Variants in PAX2 observed in about 807,000 individuals in gnomAD.
The protein encoded by PAX2 is paired box 2.
In PAX2, 9 loss-of-function variants were observed where a neutral mutation model predicts 41.7. The observed-to-expected ratio is 0.22, with a 90% CI of 0.13 to 0.38. The LOEUF (loss-of-function observed/expected upper bound fraction) is 0.38. Ranked by LOEUF, PAX2 falls within the 10% of genes least tolerant of loss-of-function variation. PAX2 has a pLI of 1.00. For synonymous variants in PAX2, 221 were observed against 212.7 expected (o/e 1.04, Z -0.34); for missense variants, 418 against 531.6 (o/e 0.79, Z 2.10).
Position 100,828,213 on chromosome 10 carries a change from G to A in PAX2, c.*594G>A, listed in dbSNP as rs1848656313. 1 of 233,490 alleles carries A rather than the reference G, an allele frequency of 4.3e-6. No homozygotes were observed. The highest frequency in any genetic ancestry group is 6.1e-5 in the East Asian group (1 of 16,496). 14.5% of individuals were successfully genotyped at this position (233,490 alleles called of 1,614,324 possible). On this transcript the variant is annotated 3_prime_UTR_variant, in exon 10 of 10. Transcript: ENST00000355243. This position sits in a 1 kb window ranked among gnomAD's most constrained non-coding sequence, Gnocchi z 6.5. ...CAGCCGGACTGCCCTCGCCTTCCGGGTGTGCCCTGTCCCAGAAGATGGAAT... is the reference window on the plus strand; with the variant it reads ...CAGCCGGACTGCCCTCGCCTTCCGGATGTGCCCTGTCCCAGAAGATGGAAT...
intron 1 of PAX2, 49 bp from the exon 2 acceptor site, chr10:100,749,697 G>C (rs761361665): frequency 1.9e-6 from 3 of 1,577,634 alleles, no homozygotes; most frequent in East Asian, 2.3e-5. Flanking sequence ...ACTAATGGCC[G>C]GTCCCTGCTG....
chr10:100,805,316 T>C (rs1847737887), intron 5 of PAX2, among the ~76,000 whole-genome samples: 1 of 152,212 alleles, frequency 6.6e-6, no homozygotes, highest in Admixed American at 6.5e-5. Flanking sequence ...TATATAACAT[T>C]CCCAGAGGAA....
At chr10:100,778,480 A>G (rs1846481156) in intron 3 of PAX2, among the ~76,000 whole-genome samples, 1 of 152,188 alleles carries the variant, frequency 6.6e-6, no homozygotes, top group Non-Finnish European at 1.5e-5. Context: ...GTGTTCAGGA[A>G]AAGCTTTTAG....
chr10:100,746,079 C>G lies in PAX2; in HGVS notation c.-182C>G. 1 of 1,500,666 alleles carries G rather than the reference C, an allele frequency of 6.7e-7. No individual in the cohort carries two copies. Among genetic ancestry groups the G allele is most frequent in the Non-Finnish European group, 8.8e-7 (1 of 1,134,550 alleles). 93.0% of individuals were successfully genotyped at this position (1,500,666 alleles called of 1,614,324 possible). Reference sequence around the variant, plus strand: ...CTGCAGTTGCAAGCTCCGGCCAACCCGGAGGAGCCCCAGCGGGGAGCGCAG... The same window carrying G: ...CTGCAGTTGCAAGCTCCGGCCAACCGGGAGGAGCCCCAGCGGGGAGCGCAG... On this transcript the variant is annotated 5_prime_UTR_variant, in exon 1 of 10. Transcript: ENST00000355243.
intron 5 of PAX2, among the ~76,000 whole-genome samples, chr10:100,798,037 G>A (rs1307609486): frequency 1.3e-5 from 2 of 151,888 alleles, no homozygotes; most frequent in East Asian, 3.9e-4. Flanking sequence ...AGAAGGCTGG[G>A]CAGAACCTGG....
intron 3 of PAX2, among the ~76,000 whole-genome samples, chr10:100,758,143 C>CT (rs531213135): frequency 0.027 from 3,751 of 141,456 alleles, 114 homozygotes; most frequent in African/African-American, 0.071. Flanking sequence ...AGGTGCCATT[C>CT]TTTTTTTTTT....
At chr10:100,766,364 C>T (rs2133868613) in intron 3 of PAX2, among the ~76,000 whole-genome samples, 1 of 152,304 alleles carries the variant, frequency 6.6e-6, no homozygotes, top group East Asian at 1.9e-4. Flanking sequence ...CACTGCTGAG[C>T]CACATCATCT....
At chr10:100,822,059 T>G (rs1848393863) in intron 7 of PAX2, among the ~76,000 whole-genome samples, 1 of 152,202 alleles carries the variant, frequency 6.6e-6, no homozygotes, top group African/African-American at 2.4e-5. Context: ...GGAGTGTAGC[T>G]TTCAATGACA....
chr10:100,782,923 C>T (rs1846693401), intron 5 of PAX2, among the ~76,000 whole-genome samples: 1 of 152,264 alleles, frequency 6.6e-6, no homozygotes. Context: ...TAACCAGCAG[C>T]CCCTGTGTTT....
At chr10:100,760,942 TGTCTGGA>T (rs1208229165) in intron 3 of PAX2, among the ~76,000 whole-genome samples, 6 of 152,184 alleles carry the variant, frequency 3.9e-5, no homozygotes, top group Non-Finnish European at 8.8e-5. Context: ...CGACTGTGAC[TGTCTGGA>T]GTCTGGGAGA....
intron 1 of PAX2, chr10:100,747,490 TA>T (rs755141759): frequency 7.0e-3 from 2,254 of 322,630 alleles, no homozygotes; most frequent in South Asian, 9.1e-3. Flanking sequence ...CTTTTTTTTT[TA>T]AAAGCTAAAA....
intron 1 of PAX2, chr10:100,747,512 A>T: frequency 1.8e-6 from 1 of 549,698 alleles, no homozygotes; most frequent in Non-Finnish European, 2.3e-6. Flanking sequence ...TTCTAAATAG[A>T]AAACTCCTCC....
chr10:100,748,383 C>T lies in PAX2; in HGVS notation c.44-1363C>T. On this transcript the variant is annotated intron_variant, in intron 1 of 9. Transcript: ENST00000355243. This position sits in a 1 kb window ranked among gnomAD's most constrained non-coding sequence, Gnocchi z 5.0. ...CTTCAGTCTCTCCCAGCAACGCGAT[C>T]AGAGGTCTTTCCCCAGGGTTTCACC... The T allele has an allele frequency of 1.0e-6, 1 of 981,868 alleles. No homozygotes were observed. The highest frequency in any genetic ancestry group is 1.2e-6 in the Non-Finnish European group (1 of 829,430). 60.8% of individuals were successfully genotyped at this position (981,868 alleles called of 1,614,324 possible).
At chr10:100,814,670 A>G (rs540794259) in intron 7 of PAX2, among the ~76,000 whole-genome samples, 17 of 152,376 alleles carry the variant, frequency 1.1e-4, no homozygotes, top group African/African-American at 3.4e-4. Flanking sequence ...AGATGGGCAC[A>G]GTACCTTTCT....
intron 1 of PAX2, among the ~76,000 whole-genome samples, chr10:100,736,546 C>A (rs576411242): frequency 3.0e-4 from 46 of 152,148 alleles, no homozygotes; most frequent in Admixed American, 1.0e-3. Context: ...TAATTTGAGG[C>A]CTTTTTTGCC....
chr10:100,806,384 T>C, intron 5 of PAX2, 46 bp from the exon 6 acceptor site: 1 of 1,604,454 alleles, frequency 6.2e-7, no homozygotes, highest in Non-Finnish European at 8.5e-7. Flanking sequence ...TTCCTGTGCC[T>C]CTGCTGGCCT....
intron 6 of PAX2, 36 bp downstream of exon 6, chr10:100,806,641 G>C (rs1847793461): frequency 6.3e-7 from 1 of 1,598,232 alleles, no homozygotes; most frequent in Non-Finnish European, 8.6e-7. Context: ...GAAGTAGAAA[G>C]GAGCCGGCAG....
rs1415416974 is a variant in PAX2 at position 100,828,513 on chromosome 10, C to T, written c.*894C>T. ...CCAGTCCTTCGCCTGTCCCTTGACG[C>T]CCTGCATCCTCCTCCCTGACTCGCA... On this transcript the variant is annotated 3_prime_UTR_variant, in exon 10 of 10. Transcript: ENST00000355243. This position sits in a 1 kb window ranked among gnomAD's most constrained non-coding sequence, Gnocchi z 6.5. The T allele has an allele frequency of 4.3e-6, 1 of 233,874 alleles. No individual in the cohort carries two copies. The highest frequency in any genetic ancestry group is 8.4e-6 in the Non-Finnish European group (1 of 118,584). 14.5% of individuals were successfully genotyped at this position (233,874 alleles called of 1,614,324 possible).
chr10:100,739,673 C>T (rs1323310350), intron 1 of PAX2, among the ~76,000 whole-genome samples: 1 of 152,196 alleles, frequency 6.6e-6, no homozygotes, highest in Non-Finnish European at 1.5e-5. Flanking sequence ...CGTTCCCTTT[C>T]GGCCGCCCCC....
Sources: allele counts gnomAD v4.1 joint callset (sites outside exome capture counted in the v4.1 genomes callset), GRCh38; gene constraint gnomAD v4.1.1; non-coding constraint Gnocchi (gnomAD v3.1); transcripts MANE v1.5; gene names NCBI Gene and HGNC (gene_info 2026-07-23, HGNC 2026-07-21).